Variants in ANO2 observed in about 807,000 individuals in gnomAD.
The protein encoded by ANO2 is anoctamin 2.
In ANO2, 101 loss-of-function variants were observed where a neutral mutation model predicts 124.2. The observed-to-expected ratio is 0.81, with a 90% CI of 0.69 to 0.96. The LOEUF (loss-of-function observed/expected upper bound fraction) is 0.96, where lower values mean the gene tolerates loss of function less well. Among genes scored for constraint, ANO2 ranks in the 40% least tolerant of loss-of-function variants. The probability of loss-of-function intolerance (pLI) is 0.00; values close to 1 mark genes in which losing one functional copy is unlikely to be tolerated. For missense variants in ANO2, 1,293 were observed against 1,274.5 expected (o/e 1.01, Z -0.22); for synonymous variants, 486 against 482.5 (o/e 1.01, Z -0.09).
At chr12:5,923,863 C>A (rs1222501852) in intron 1 of ANO2, among the ~76,000 whole-genome samples, 2 of 152,174 alleles carry the variant, frequency 1.3e-5, no homozygotes, top group African/African-American at 4.8e-5. Context: ...AGCAACACAG[C>A]CAGTGCCCAG....
At chr12:5,945,112 G>T in intron 1 of ANO2, 84 bp downstream of exon 1, 1 of 1,215,078 alleles carries the variant, frequency 8.2e-7, no homozygotes, top group Non-Finnish European at 1.1e-6. Flanking sequence ...ATCCCGAAGG[G>T]TGGGAGTTCG....
chr12:5,917,554 T>A (rs1189144595), intron 3 of ANO2, among the ~76,000 whole-genome samples: 2 of 144,152 alleles, frequency 1.4e-5, no homozygotes, highest in African/African-American at 4.9e-5. Flanking sequence ...GTTATTATTA[T>A]TCTCTTTTTT....
Position 5,911,624 on chromosome 12 carries a change from A to G in ANO2, c.534+9416T>C, listed in dbSNP as rs116021535. 7.6e-3 allele frequency among the ~76,000 whole-genome samples: 1,152 copies of G among 152,332 alleles called. 14 individuals are homozygous for G. Among genetic ancestry groups the G allele is most frequent in the African/African-American group, 0.026 (1,088 of 41,572 alleles). On this transcript the variant is annotated intron_variant, in intron 3 of 24. Coordinates refer to ENST00000682330, the MANE Select transcript of ANO2 (RefSeq NM_001364791.2). ...GGGCAGGCACCAGCCACGAACACCA[A>G]GTACAGTCGTACCAGGAATACCAGT...
chr12:5,764,881 A>G (rs550493435), intron 10 of ANO2, among the ~76,000 whole-genome samples: 2 of 152,342 alleles, frequency 1.3e-5, no homozygotes, highest in African/African-American at 4.8e-5. Context: ...TGATAAATTA[A>G]AGCTTACTGG....
chr12:5,675,743 G>C (rs1004283608), intron 14 of ANO2, among the ~76,000 whole-genome samples: 5 of 152,182 alleles, frequency 3.3e-5, no homozygotes, highest in African/African-American at 1.2e-4. Flanking sequence ...CTATAGGAAT[G>C]TTCTCCTTCT....
intron 7 of ANO2, among the ~76,000 whole-genome samples, chr12:5,815,644 A>G (rs1477792480): frequency 1.3e-5 from 2 of 152,210 alleles, no homozygotes; most frequent in African/African-American, 4.8e-5. Flanking sequence ...CTTTGGTTCA[A>G]GGTTAAATTT....
chr12:5,620,602 G>A (rs948841499), intron 16 of ANO2, among the ~76,000 whole-genome samples: 10 of 152,238 alleles, frequency 6.6e-5, no homozygotes, highest in African/African-American at 2.4e-4. Flanking sequence ...TTCTACAGGA[G>A]TTGAATTGGA....
intron 17 of ANO2, among the ~76,000 whole-genome samples, chr12:5,614,485 T>G (rs762861471): frequency 1.3e-5 from 2 of 152,218 alleles, no homozygotes; most frequent in Non-Finnish European, 2.9e-5. Flanking sequence ...CACAAATGAC[T>G]GATAGAATCA....
At chr12:5,629,335 C>CTAGAG (rs1278480284) in intron 16 of ANO2, among the ~76,000 whole-genome samples, 1 of 152,224 alleles carries the variant, frequency 6.6e-6, no homozygotes, top group Admixed American at 6.5e-5. Flanking sequence ...TTCTCCAAAG[C>CTAGAG]TAGAGTAGAG....
At chr12:5,622,966 A>C (rs1281618026) in intron 16 of ANO2, among the ~76,000 whole-genome samples, 189 of 148,400 alleles carry the variant, frequency 1.3e-3, no homozygotes, top group Middle Eastern at 3.5e-3. Flanking sequence ...TCTGTCTCAA[A>C]AAAAAAAAAA....
At chr12:5,746,864 T>TA (rs1014508837) in intron 11 of ANO2, among the ~76,000 whole-genome samples, 1 of 152,218 alleles carries the variant, frequency 6.6e-6, no homozygotes, top group African/African-American at 2.4e-5. Flanking sequence ...ATCAGCTTTT[T>TA]AAAAAATGTC....
At chr12:5,760,687 G>T (rs1951713793) in intron 10 of ANO2, among the ~76,000 whole-genome samples, 1 of 151,932 alleles carries the variant, frequency 6.6e-6, no homozygotes, top group East Asian at 1.9e-4. Context: ...CCCTGTCCCT[G>T]GCCCTCCAGA....
At chr12:5,568,816 G>A (rs949486435) in intron 23 of ANO2, among the ~76,000 whole-genome samples, 5 of 152,126 alleles carry the variant, frequency 3.3e-5, no homozygotes, top group African/African-American at 4.8e-5. Context: ...CAGCACTGTC[G>A]TTCTCTGTCC....
chr12:5,869,567 C>A (rs146965398), intron 3 of ANO2, among the ~76,000 whole-genome samples: 2 of 152,346 alleles, frequency 1.3e-5, no homozygotes, highest in East Asian at 3.9e-4. Context: ...GTCCTTATCT[C>A]TAGGCCTCGG....
intron 10 of ANO2, 97 bp from the exon 11 acceptor site, chr12:5,751,067 A>G (rs1360928104): frequency 8.2e-6 from 10 of 1,219,738 alleles, no homozygotes; most frequent in Non-Finnish European, 1.1e-5. Flanking sequence ...GTCAACATAG[A>G]TATTCATTCC....
intron 10 of ANO2, among the ~76,000 whole-genome samples, chr12:5,771,430 T>C (rs1952078156): frequency 6.6e-6 from 1 of 152,246 alleles, no homozygotes; most frequent in Non-Finnish European, 1.5e-5. Flanking sequence ...TAAAAAGTGT[T>C]ATCATTTATT....
chr12:5,847,445 CTGTGTGTGTG>C (rs35366359), intron 4 of ANO2, among the ~76,000 whole-genome samples: 55 of 144,780 alleles, frequency 3.8e-4, no homozygotes, highest in African/African-American at 1.2e-3. Context: ...CATAACACCT[CTGTGTGTGTG>C]TGTGTGTGTG....
At chr12:5,590,588 C>T (rs532668310) in intron 20 of ANO2, among the ~76,000 whole-genome samples, 65 of 152,282 alleles carry the variant, frequency 4.3e-4, no homozygotes, top group African/African-American at 3.1e-4. Context: ...GGGCAGTAAG[C>T]GGGAGAAGAG....
At chr12:5,860,696 C>T (rs1591708622) in intron 3 of ANO2, among the ~76,000 whole-genome samples, 1 of 152,170 alleles carries the variant, frequency 6.6e-6, no homozygotes, top group Admixed American at 6.5e-5. Flanking sequence ...AAACTTTCCA[C>T]CTGACCAGGA....
Sources: gnomAD v4.1 joint callset for allele counts (sites outside exome capture counted in the v4.1 genomes callset) on GRCh38, gnomAD v4.1.1 for gene constraint, MANE v1.5 for transcripts, NCBI Gene and HGNC (gene_info 2026-07-23, HGNC 2026-07-21) for gene names.